Variants in LINGO2 observed in about 807,000 individuals in gnomAD.
The protein encoded by LINGO2 is leucine-rich repeat and immunoglobulin-like domain-containing nogo receptor-interacting protein 2.
A neutral mutation model predicts 30.6 loss-of-function variants in LINGO2; 14 were observed. The observed-to-expected ratio is 0.46, with a 90% CI of 0.30 to 0.72. LINGO2 has a LOEUF of 0.72. Among genes scored for constraint, LINGO2 ranks in the 30% least tolerant of loss-of-function variants. The probability of loss-of-function intolerance (pLI) is 0.07; values close to 1 mark genes in which losing one functional copy is unlikely to be tolerated. For synonymous variants in LINGO2, 317 were observed against 288.5 expected (o/e 1.10, Z -1.00); for missense variants, 729 against 751.7 (o/e 0.97, Z 0.35).
chr9:28,348,379 G>T (rs1047588584), intron 3 of LINGO2, among the ~76,000 whole-genome samples: 1 of 152,164 alleles, frequency 6.6e-6, no homozygotes, highest in African/African-American at 2.4e-5. Context: ...GTCAAAGAAA[G>T]GGGTGACGGA....
chr9:28,552,018 G>T (rs374018795), intron 1 of LINGO2, among the ~76,000 whole-genome samples: 1 of 151,770 alleles, frequency 6.6e-6, no homozygotes, highest in Non-Finnish European at 1.5e-5. Flanking sequence ...AAATTGTGTG[G>T]TTTTGTTGCC....
the LINGO2 span, among the ~76,000 whole-genome samples, chr9:29,086,381 G>GTTT: frequency 1.9e-4 from 29 of 151,154 alleles, no homozygotes; most frequent in South Asian, 1.5e-3. Flanking sequence ...CTTTATCAAG[G>GTTT]TTTTTTTTGG....
the LINGO2 span, among the ~76,000 whole-genome samples, chr9:28,730,162 T>C: frequency 6.6e-6 from 1 of 152,014 alleles, no homozygotes; most frequent in Non-Finnish European, 1.5e-5. Context: ...TTAGTATAAA[T>C]CAAGAAACAG....
chr9:29,047,709 T>G, the LINGO2 span, among the ~76,000 whole-genome samples: 7 of 152,186 alleles, frequency 4.6e-5, no homozygotes, highest in Non-Finnish European at 8.8e-5. Context: ...TATATGATCT[T>G]ATATTTGGAA....
the LINGO2 span, among the ~76,000 whole-genome samples, chr9:29,005,549 CCA>C: frequency 6.6e-6 from 1 of 151,796 alleles, no homozygotes; most frequent in Non-Finnish European, 1.5e-5. Context: ...CCGAATGTAC[CCA>C]CAAAAATTAA....
chr9:28,515,370 C>G (rs1820580822), intron 1 of LINGO2, among the ~76,000 whole-genome samples: 2 of 152,068 alleles, frequency 1.3e-5, no homozygotes, highest in South Asian at 4.1e-4. Flanking sequence ...CCACGCCTGG[C>G]TAATTTTTTG....
At chr9:27,949,396 G>T in exon 6 of LINGO2, 1 of 1,614,094 alleles carries the variant, frequency 6.2e-7, no homozygotes, top group Non-Finnish European at 8.5e-7. Context: ...TGGACTGTCT[G>T]CCCTTCATCT....
the LINGO2 span, among the ~76,000 whole-genome samples, chr9:29,058,568 A>C: frequency 5.9e-5 from 9 of 152,118 alleles, no homozygotes; most frequent in African/African-American, 2.2e-4. Context: ...AAATTTTTCA[A>C]ATTTGGAGAA....
chr9:28,449,883 G>T (rs960199674), intron 2 of LINGO2, among the ~76,000 whole-genome samples: 3 of 151,950 alleles, frequency 2.0e-5, no homozygotes, highest in African/African-American at 7.3e-5. Flanking sequence ...AAATTATCCA[G>T]CAATTTCTGC....
the LINGO2 span, among the ~76,000 whole-genome samples, chr9:29,040,925 T>A: frequency 6.6e-6 from 1 of 152,118 alleles, no homozygotes; most frequent in Non-Finnish European, 1.5e-5. Flanking sequence ...ACTGAGTCCA[T>A]TAATATACAT....
intron 1 of LINGO2, among the ~76,000 whole-genome samples, chr9:28,499,535 TA>T (rs1274816808): frequency 6.6e-6 from 1 of 152,168 alleles, no homozygotes; most frequent in Non-Finnish European, 1.5e-5. Context: ...TATTTAGACA[TA>T]TATGGTTTCA....
At chr9:27,981,029 A>ACC (rs1180624672) in intron 5 of LINGO2, among the ~76,000 whole-genome samples, 2 of 151,928 alleles carry the variant, frequency 1.3e-5, no homozygotes, top group Admixed American at 6.6e-5. Flanking sequence ...AAAGGAAATA[A>ACC]CCCTGATGGA....
chr9:28,813,223 G>A, the LINGO2 span, among the ~76,000 whole-genome samples: 48 of 152,192 alleles, frequency 3.2e-4, no homozygotes, highest in African/African-American at 1.1e-3. Context: ...CCAATTAGCT[G>A]CAAGGTATAT....
intron 5 of LINGO2, among the ~76,000 whole-genome samples, chr9:27,990,400 A>G (rs932339355): frequency 3.3e-5 from 5 of 151,438 alleles, no homozygotes; most frequent in Admixed American, 1.3e-4. Context: ...CACATTGGAT[A>G]TATTTTAGAA....
At chr9:28,037,504 G>A (rs1315454254) in intron 4 of LINGO2, among the ~76,000 whole-genome samples, 2 of 152,082 alleles carry the variant, frequency 1.3e-5, no homozygotes, top group Non-Finnish European at 2.9e-5. Context: ...CTCCTCAACA[G>A]TCTTAATTAC....
At chr9:28,814,711 C>T in the LINGO2 span, among the ~76,000 whole-genome samples, 3 of 152,126 alleles carry the variant, frequency 2.0e-5, no homozygotes, top group Non-Finnish European at 4.4e-5. Context: ...CACAGTGAAA[C>T]CCTGTCTCTA....
At chr9:27,988,623 G>GTTTT (rs1821241757) in intron 5 of LINGO2, among the ~76,000 whole-genome samples, 2 of 151,832 alleles carry the variant, frequency 1.3e-5, no homozygotes, top group Admixed American at 1.3e-4. Flanking sequence ...TTTCATGTCT[G>GTTTT]TCGGCTGCAT....
the LINGO2 span, among the ~76,000 whole-genome samples, chr9:29,095,480 GTTAGCCTTAA>G: frequency 7.3e-6 from 1 of 137,862 alleles, no homozygotes; most frequent in African/African-American, 2.7e-5. Flanking sequence ...AACACAATAG[GTTAGCCTTAA>G]CTCAAAGTCA....
intron 4 of LINGO2, among the ~76,000 whole-genome samples, chr9:28,056,691 G>C (rs895928767): frequency 5.9e-5 from 9 of 152,174 alleles, no homozygotes; most frequent in Non-Finnish European, 1.3e-4. Context: ...TTCTGCAGAT[G>C]TATGGAGCAG....
Sources: gnomAD v4.1 joint callset for allele counts (sites outside exome capture counted in the v4.1 genomes callset) on GRCh38, gnomAD v4.1.1 for gene constraint, MANE v1.5 for transcripts, NCBI Gene and HGNC (gene_info 2026-07-23, HGNC 2026-07-21) for gene names.